The following CDH13 variants were observed in gnomAD, a reference collection of about 807,000 sequenced individuals.
The protein encoded by CDH13 is cadherin-13.
CDH13 carries 24 observed loss-of-function variants against 63.8 expected under a neutral mutation model. The observed-to-expected ratio is 0.38, with a 90% CI of 0.27 to 0.53. The LOEUF is 0.53. Ranked by LOEUF, CDH13 falls within the 20% of genes least tolerant of loss-of-function variation. The pLI is 0.85. For synonymous variants in CDH13, 503 were observed against 355.3 expected (o/e 1.42, Z -4.67); for missense variants, 1,049 against 903.1 (o/e 1.16, Z -2.07).
At chr16:82,795,391 C>T (rs1181079693) in intron 1 of CDH13, among the ~76,000 whole-genome samples, 2 of 152,158 alleles carry the variant, frequency 1.3e-5, no homozygotes, top group African/African-American at 4.8e-5. Context: ...TGAGAAGCTT[C>T]AAAAGGCAGT....
At chr16:83,457,599 C>T (rs2073058306) in intron 6 of CDH13, among the ~76,000 whole-genome samples, 1 of 152,080 alleles carries the variant, frequency 6.6e-6, no homozygotes. Flanking sequence ...CAATGACATC[C>T]ACAGTAGCAA....
rs114730312 is a variant in CDH13 at position 83,666,244 on chromosome 16, C to G, written c.1102-4546C>G. On this transcript the variant is annotated intron_variant, in intron 8 of 13. Transcript: ENST00000567109. ...TAAAATGGTACCATTTCATTTTAATCTATTTAATTTTCCTTTCTTGAATTA... is the reference window on the plus strand; with the variant it reads ...TAAAATGGTACCATTTCATTTTAATGTATTTAATTTTCCTTTCTTGAATTA... Among the ~76,000 whole-genome samples the G allele has an allele frequency of 4.2e-3, 633 of 152,162 alleles. 4 individuals are homozygous for G. Among genetic ancestry groups the G allele is most frequent in the African/African-American group, 0.015 (605 of 41,512 alleles).
At chr16:83,478,174 C>A (rs67239608) in intron 6 of CDH13, among the ~76,000 whole-genome samples, 47,208 of 149,178 alleles carry the variant, frequency 0.32, 7,495 homozygotes, top group Middle Eastern at 0.39. Flanking sequence ...AAAAAAAAAA[C>A]ATCAAAAGAT....
At chr16:82,881,095 G>GT (rs2040686393) in intron 2 of CDH13, among the ~76,000 whole-genome samples, 1 of 151,978 alleles carries the variant, frequency 6.6e-6, no homozygotes, top group South Asian at 2.1e-4. Flanking sequence ...CTTTAGTATT[G>GT]TTTTTTTCTT....
intron 3 of CDH13, among the ~76,000 whole-genome samples, chr16:83,081,713 GAGAGAGAA>G: frequency 1.3e-5 from 2 of 152,096 alleles, no homozygotes. Context: ...GAGAAAGAGA[GAGAGAGAA>G]AGAGCTCGCA....
intron 2 of CDH13, among the ~76,000 whole-genome samples, chr16:83,002,385 G>A (rs77721964): frequency 1.2e-4 from 19 of 152,294 alleles, no homozygotes; most frequent in Non-Finnish European, 2.4e-4. Flanking sequence ...AAAAAGGCAA[G>A]GGGTGGAATC....
intron 6 of CDH13, among the ~76,000 whole-genome samples, chr16:83,371,593 G>C (rs997936891): frequency 2.6e-5 from 4 of 152,078 alleles, no homozygotes; most frequent in African/African-American, 9.7e-5. Context: ...TACCTGGTAC[G>C]TTTCCATAAT....
chr16:82,880,799 C>G (rs1285225084), intron 2 of CDH13, among the ~76,000 whole-genome samples: 1 of 152,038 alleles, frequency 6.6e-6, no homozygotes, highest in African/African-American at 2.4e-5. Flanking sequence ...TTTATGATAC[C>G]AAGGCAAAGA....
chr16:82,911,563 G>A (rs1035439788), intron 2 of CDH13, among the ~76,000 whole-genome samples: 2 of 152,106 alleles, frequency 1.3e-5, no homozygotes, highest in African/African-American at 2.4e-5. Flanking sequence ...AAATGGGGAT[G>A]GTAATAGAGC....
chr16:83,552,924 C>G (rs1298811799), intron 7 of CDH13, among the ~76,000 whole-genome samples: 2 of 152,036 alleles, frequency 1.3e-5, no homozygotes, highest in Non-Finnish European at 2.9e-5. Context: ...ACTAAAATGA[C>G]AAAAATTAGC....
intron 6 of CDH13, among the ~76,000 whole-genome samples, chr16:83,407,280 C>G (rs756437123): frequency 6.6e-6 from 1 of 152,236 alleles, no homozygotes; most frequent in African/African-American, 2.4e-5. Context: ...AATCTTACCT[C>G]CTGCCCGTTT....
chr16:82,949,995 CA>C (rs1905122515), intron 2 of CDH13, among the ~76,000 whole-genome samples: 1 of 151,998 alleles, frequency 6.6e-6, no homozygotes, highest in Admixed American at 6.6e-5. Context: ...TGGTTAGTAT[CA>C]AGCAGGTAAG....
intron 3 of CDH13, among the ~76,000 whole-genome samples, chr16:83,107,982 C>A (rs1383201362): frequency 6.6e-6 from 1 of 151,932 alleles, no homozygotes; most frequent in African/African-American, 2.4e-5. Context: ...CCACAGCCAC[C>A]CAGCTAATTT....
At chr16:82,706,638 T>G (rs533460736) in intron 1 of CDH13, among the ~76,000 whole-genome samples, 3 of 134,634 alleles carry the variant, frequency 2.2e-5, no homozygotes, top group African/African-American at 8.2e-5. Flanking sequence ...CTACTAAAAC[T>G]AAAAAAAAAA....
chr16:82,787,077 C>A (rs554527230), intron 1 of CDH13, among the ~76,000 whole-genome samples: 3 of 152,258 alleles, frequency 2.0e-5, no homozygotes, highest in Non-Finnish European at 4.4e-5. Context: ...TATAATTCAC[C>A]TATAAAATAC....
At chr16:82,909,162 G>A (rs1036682206) in intron 2 of CDH13, among the ~76,000 whole-genome samples, 1 of 151,728 alleles carries the variant, frequency 6.6e-6, no homozygotes, top group African/African-American at 2.4e-5. Context: ...TAGTTGCATT[G>A]TTATTTTTAT....
chr16:83,590,872 A>T (rs1906668258), intron 7 of CDH13, among the ~76,000 whole-genome samples: 1 of 148,650 alleles, frequency 6.7e-6, no homozygotes, highest in Non-Finnish European at 1.5e-5. Context: ...TGGGCTGTCA[A>T]TCTGTGTTTT....
chr16:83,680,455 C>A (rs1011101571), intron 10 of CDH13, among the ~76,000 whole-genome samples: 1 of 152,108 alleles, frequency 6.6e-6, no homozygotes. Flanking sequence ...TCCCAGCAAA[C>A]TGAGTTAGGA....
intron 1 of CDH13, among the ~76,000 whole-genome samples, chr16:82,699,552 C>G (rs2030734126): frequency 6.6e-6 from 1 of 152,202 alleles, no homozygotes; most frequent in Admixed American, 6.5e-5. Flanking sequence ...TGCCTTCCAG[C>G]AAGATTTCCT....
Sources: gnomAD v4.1 joint callset for allele counts (sites outside exome capture counted in the v4.1 genomes callset) on GRCh38, gnomAD v4.1.1 for gene constraint, MANE v1.5 for transcripts, NCBI Gene and HGNC (gene_info 2026-07-23, HGNC 2026-07-21) for gene names.